Variants in CELF2 observed in about 807,000 individuals in gnomAD.
CELF2 encodes the protein CUGBP Elav-like family member 2, also known as CUG triplet repeat RNA-binding protein 2.
Under a neutral mutation model 62.6 loss-of-function variants are expected in CELF2, and 8 were observed. The ratio of observed to expected loss-of-function variants is 0.13; its 90% CI spans 0.07 to 0.23. CELF2 has a LOEUF of 0.23. CELF2 is among the 10% of genes least tolerant of loss of function. The pLI, the probability that CELF2 is intolerant of heterozygous loss-of-function variation, is 1.00. For missense variants in CELF2, 333 were observed against 671.0 expected, an observed-to-expected ratio of 0.50 and a Z score of 5.56; for synonymous variants, 258 against 250.0, an observed-to-expected ratio of 1.03 and a Z score of -0.30.
intron 1 of CELF2, among the ~76,000 whole-genome samples, chr10:10,817,198 T>A (rs990554053): frequency 6.6e-6 from 1 of 152,176 alleles, no homozygotes; most frequent in Non-Finnish European, 1.5e-5. Flanking sequence ...TTTTTTTCCT[T>A]TTTTTAATTT....
At chr10:10,737,396 A>AG in the CELF2 span, among the ~76,000 whole-genome samples, 1 of 152,098 alleles carries the variant, frequency 6.6e-6, no homozygotes, top group South Asian at 2.1e-4. Context: ...AATTATCTCT[A>AG]AACAGCTCTT....
intron 1 of CELF2, among the ~76,000 whole-genome samples, chr10:10,810,040 A>G (rs966597755): frequency 6.6e-6 from 1 of 152,248 alleles, no homozygotes; most frequent in African/African-American, 2.4e-5. Context: ...ACATAAGTGC[A>G]TATTTCCCTC....
the CELF2 span, among the ~76,000 whole-genome samples, chr10:10,680,164 T>A: frequency 6.6e-6 from 1 of 152,102 alleles, no homozygotes; most frequent in Non-Finnish European, 1.5e-5. Flanking sequence ...TATGTATGTA[T>A]GTATGTATGT....
At chr10:10,734,226 A>G in the CELF2 span, among the ~76,000 whole-genome samples, 1 of 152,202 alleles carries the variant, frequency 6.6e-6, no homozygotes, top group East Asian at 1.9e-4. Flanking sequence ...AAATATTATT[A>G]TTATGAGTTC....
At chr10:10,986,989 T>G in intron 2 of CELF2, among the ~76,000 whole-genome samples, 1 of 152,210 alleles carries the variant, frequency 6.6e-6, no homozygotes, top group African/African-American at 2.4e-5. Flanking sequence ...ATAAACTGTT[T>G]ATTTTATGGG....
In CELF2 at chr10:11,178,885, T is replaced by C. The variant is rs1469047679; in HGVS notation, c.271+13203T>C. Reference sequence around the variant, plus strand: ...GAATGCTGTGCTGACACATACTCCATCACATGTTTGCGATGAAAATGCTGT... The same window carrying C: ...GAATGCTGTGCTGACACATACTCCACCACATGTTTGCGATGAAAATGCTGT... On this transcript the variant is annotated intron_variant, in intron 2 of 12. Coordinates refer to ENST00000633077, the MANE Select transcript of CELF2 (RefSeq NM_001326342.2). This position sits in a 1 kb window ranked among gnomAD's most constrained non-coding sequence, Gnocchi z 4.3. Among the ~76,000 whole-genome samples, 1 of 152,190 alleles carries C rather than the reference T, an allele frequency of 6.6e-6. No individual in the cohort carries two copies. Among genetic ancestry groups the C allele is most frequent in the Non-Finnish European group, 1.5e-5 (1 of 68,034 alleles).
chr10:10,777,231 A>T, the CELF2 span, among the ~76,000 whole-genome samples: 130 of 152,096 alleles, frequency 8.5e-4, no homozygotes, highest in African/African-American at 2.8e-3. Flanking sequence ...TGATCCCCAC[A>T]TTGTCACCTC....
the CELF2 span, among the ~76,000 whole-genome samples, chr10:10,728,708 T>C: frequency 2.6e-5 from 4 of 152,232 alleles, no homozygotes. Flanking sequence ...TTGTTTCTTT[T>C]CACCTGTCTC....
At chr10:10,652,621 T>C in the CELF2 span, among the ~76,000 whole-genome samples, 1 of 151,188 alleles carries the variant, frequency 6.6e-6, no homozygotes, top group Non-Finnish European at 1.5e-5. Flanking sequence ...CCAGCCAAAC[T>C]AAGCTTCATA....
intron 2 of CELF2, among the ~76,000 whole-genome samples, chr10:11,204,649 C>T (rs1279066362): frequency 2.0e-5 from 3 of 152,340 alleles, no homozygotes; most frequent in East Asian, 3.9e-4. Context: ...CACAGTCAGA[C>T]GGCAGTGATC....
intron 1 of CELF2, among the ~76,000 whole-genome samples, chr10:11,035,895 A>G (rs1418554732): frequency 1.3e-5 from 2 of 152,352 alleles, no homozygotes; most frequent in African/African-American, 2.4e-5. Context: ...CTGCATTAAT[A>G]TACCTGCTGG....
the CELF2 span, among the ~76,000 whole-genome samples, chr10:10,720,392 C>T: frequency 0.023 from 3,568 of 152,248 alleles, 145 homozygotes; most frequent in African/African-American, 0.081. Context: ...GCCAGCACCC[C>T]CTTTGGGTGA....
intron 1 of CELF2, among the ~76,000 whole-genome samples, chr10:11,084,506 G>T (rs371903470): frequency 6.6e-6 from 1 of 152,210 alleles, no homozygotes; most frequent in East Asian, 1.9e-4. Flanking sequence ...TGATGTCTTA[G>T]AATTTCACTT....
At chr10:11,024,868 A>G (rs1364629716) in intron 1 of CELF2, among the ~76,000 whole-genome samples, 1 of 152,198 alleles carries the variant, frequency 6.6e-6, no homozygotes, top group Non-Finnish European at 1.5e-5. Flanking sequence ...TAGCTTTTGG[A>G]CAGCTTAAAT....
the CELF2 span, among the ~76,000 whole-genome samples, chr10:10,614,470 G>A: frequency 3.0e-3 from 462 of 152,128 alleles, 1 homozygote; most frequent in Admixed American, 5.9e-3. Context: ...TTTATCTTAC[G>A]GCAAATGGCT....
At chr10:11,286,334 T>C (rs1297501534) in intron 8 of CELF2, among the ~76,000 whole-genome samples, 1 of 152,248 alleles carries the variant, frequency 6.6e-6, no homozygotes, top group African/African-American at 2.4e-5. Context: ...TTGTAGGCTT[T>C]GATTTTGGTG....
intron 1 of CELF2, among the ~76,000 whole-genome samples, chr10:11,033,082 GT>G (rs2060378233): frequency 6.6e-6 from 1 of 152,150 alleles, no homozygotes; most frequent in African/African-American, 2.4e-5. Flanking sequence ...TGTTTTCATT[GT>G]TTGTGTAAAT....
In CELF2 at chr10:11,327,553, T is replaced by G. The variant is rs185636475; in HGVS notation, c.1439-1373T>G. 8.5e-5 allele frequency among the ~76,000 whole-genome samples: 13 copies of G among 152,342 alleles called. No homozygotes were observed. The East Asian group carries it at 2.5e-3, about 29-fold the overall frequency. ...TGCCAGTCATAAGGTAGTGCCCCGT[T>G]CCTTCCTAGTTCTTAGCCAGGTTTT... On this transcript the variant is annotated intron_variant, in intron 12 of 12. Transcript: ENST00000633077.
At chr10:10,967,782 C>T (rs1226204820) in intron 2 of CELF2, among the ~76,000 whole-genome samples, 1 of 152,106 alleles carries the variant, frequency 6.6e-6, no homozygotes, top group Non-Finnish European at 1.5e-5. Context: ...AGCTGGGGCC[C>T]TGGGTCAGCC....
Sources: allele counts gnomAD v4.1 joint callset (sites outside exome capture counted in the v4.1 genomes callset), GRCh38; gene constraint gnomAD v4.1.1; non-coding constraint Gnocchi (gnomAD v3.1); transcripts MANE v1.5; gene names NCBI Gene and HGNC (gene_info 2026-07-23, HGNC 2026-07-21).